Variants in ALK observed in about 807,000 individuals in gnomAD.
ALK encodes ALK receptor tyrosine kinase.
Under a neutral mutation model 163.1 loss-of-function variants are expected in ALK, and 74 were observed. That is an observed-to-expected ratio of 0.45 (90% confidence interval 0.38 to 0.55). The LOEUF (loss-of-function observed/expected upper bound fraction) is 0.55. Ranked by LOEUF, ALK falls within the 20% of genes least tolerant of loss-of-function variation. The probability of loss-of-function intolerance (pLI) is 0.00; values close to 1 mark genes in which losing one functional copy is unlikely to be tolerated. For missense variants in ALK, 2,063 were observed against 2,105.3 expected (o/e 0.98, Z 0.39); for synonymous variants, 960 against 843.2 (o/e 1.14, Z -2.40).
At chr2:29,823,388 T>A (rs1665103678) in intron 1 of ALK, among the ~76,000 whole-genome samples, 1 of 152,168 alleles carries the variant, frequency 6.6e-6, no homozygotes, top group African/African-American at 2.4e-5. Context: ...TGGAAGCGAC[T>A]TTGGAACTGG....
rs1470400940 is a variant in ALK, at chr2:29,698,035, C to CCT, written c.788-3023_788-3022dup. Among the ~76,000 whole-genome samples the CCT allele has an allele frequency of 3.9e-5, 6 of 152,312 alleles. No individual in the cohort carries two copies. In the South Asian group the frequency reaches 1.2e-3, roughly 32 times the overall value. On this transcript the variant is annotated intron_variant, in intron 2 of 28. Coordinates refer to ENST00000389048, the MANE Select transcript of ALK (RefSeq NM_004304.5). ...CACTTCTATTGAGTGTCTTTCTGCT[C>CCT]CTCAGCTGCTTTCCAGGAGCTGCCA...
At chr2:29,321,408 A>T (rs1473876013) in intron 6 of ALK, among the ~76,000 whole-genome samples, 5 of 152,170 alleles carry the variant, frequency 3.3e-5, no homozygotes, top group African/African-American at 7.2e-5. Context: ...CCATCAAATT[A>T]CCTGTCTGCA....
chr2:29,344,635 C>T (rs1369353704), intron 5 of ALK, among the ~76,000 whole-genome samples: 1 of 152,244 alleles, frequency 6.6e-6, no homozygotes, highest in African/African-American at 2.4e-5. Context: ...CTGTCAATGC[C>T]ATGTGGCATG....
chr2:29,907,399 A>C (rs1190923571), intron 1 of ALK, among the ~76,000 whole-genome samples: 1 of 152,156 alleles, frequency 6.6e-6, no homozygotes, highest in African/African-American at 2.4e-5. Flanking sequence ...ATGACTACTT[A>C]AACACGTTTT....
rs369593151 is a variant in ALK, at chr2:29,921,213, C to A, written c.-554G>T. ...GGGCGGGAACCGAGGGCGGAGGCTG[C>A]CGTCTTGCGCACCCTCAAGCTATCT... On this transcript the variant is annotated 5_prime_UTR_variant, in exon 1 of 29. Transcript: ENST00000389048. 11 of 234,324 alleles carry A rather than the reference C, an allele frequency of 4.7e-5. No homozygotes were observed. The highest frequency in any genetic ancestry group is 1.8e-4 in the South Asian group (1 of 5,546). The allele number at this position is 234,324 out of a possible 1,614,324, so 14.5% of individuals were successfully genotyped here.
At chr2:29,412,218 T>C (rs1669741891) in intron 4 of ALK, among the ~76,000 whole-genome samples, 1 of 152,202 alleles carries the variant, frequency 6.6e-6, no homozygotes, top group East Asian at 1.9e-4. Context: ...GCATTATCAA[T>C]AGTGAACAAA....
chr2:29,794,668 G>A (rs1664263503), intron 1 of ALK, among the ~76,000 whole-genome samples: 1 of 152,120 alleles, frequency 6.6e-6, no homozygotes, highest in Non-Finnish European at 1.5e-5. Flanking sequence ...GGAAGCCCAA[G>A]GAGATGGAGA....
chr2:29,482,454 G>A (rs1219231553), intron 4 of ALK, among the ~76,000 whole-genome samples: 1 of 152,136 alleles, frequency 6.6e-6, no homozygotes, highest in Non-Finnish European at 1.5e-5. Context: ...TGAGGGAGGA[G>A]GTATCAAATT....
At chr2:29,416,105 A>G (rs568881693) in intron 4 of ALK, among the ~76,000 whole-genome samples, 4 of 152,266 alleles carry the variant, frequency 2.6e-5, no homozygotes, top group Admixed American at 6.5e-5. Context: ...ACGTGAGCCA[A>G]TTTCCATAAT....
intron 5 of ALK, among the ~76,000 whole-genome samples, chr2:29,380,939 C>T (rs947455375): frequency 6.6e-6 from 1 of 152,154 alleles, no homozygotes; most frequent in Non-Finnish European, 1.5e-5. Context: ...AGATAGAATA[C>T]AGGCAAAAGC....
Position 29,228,945 on chromosome 2 carries a change from TC to T in ALK, c.2753del (p.Arg918LysfsTer21). 1 of 372,238 alleles carries T rather than the reference TC, an allele frequency of 2.7e-6. No homozygotes were observed. The highest frequency in any genetic ancestry group is 5.6e-5 in the Admixed American group (1 of 17,802). The allele number at this position is 372,238 out of a possible 1,614,324, so 23.1% of individuals were successfully genotyped here. A position where few individuals can be genotyped will look rare whatever the true frequency, so the allele number is the denominator to read the frequency against. ...QAMKKWGWET[R>X]GGFGGGGGGC... ...CCCCTCCACCCCCTCCGAAACCCCC[TC>T]TTGTCTCCCACCCCCACTTCTTCAT... On this transcript the variant is annotated frameshift_variant, in exon 16 of 29. Transcript: ENST00000389048. LOFTEE classifies it high-confidence loss of function.
chr2:29,419,883 G>A (rs1406566703), intron 4 of ALK, among the ~76,000 whole-genome samples: 1 of 151,438 alleles, frequency 6.6e-6, no homozygotes. Flanking sequence ...GACTGGCTGG[G>A]TGAGGTGGCC....
chr2:29,471,631 G>T (rs1671349114), intron 4 of ALK, among the ~76,000 whole-genome samples: 1 of 152,154 alleles, frequency 6.6e-6, no homozygotes, highest in African/African-American at 2.4e-5. Context: ...AGCAGTTGTG[G>T]CAGACTGCAT....
At chr2:29,815,327 CCTT>C (rs1664870456) in intron 1 of ALK, among the ~76,000 whole-genome samples, 1 of 151,966 alleles carries the variant, frequency 6.6e-6, no homozygotes, top group South Asian at 2.1e-4. Context: ...TCACTACTAA[CCTT>C]CTTAATTTAC....
intron 23 of ALK, among the ~76,000 whole-genome samples, chr2:29,217,151 GTGTA>G (rs1669658583): frequency 1.5e-5 from 2 of 137,090 alleles, no homozygotes; most frequent in African/African-American, 5.4e-5. Context: ...TGTGTGTGTA[GTGTA>G]TGTGTTGTGT....
intron 1 of ALK, among the ~76,000 whole-genome samples, chr2:29,866,917 A>C (rs1293007681): frequency 6.6e-6 from 1 of 152,226 alleles, no homozygotes; most frequent in African/African-American, 2.4e-5. Context: ...CACCAGAATC[A>C]GAACTGTGTG....
rs374395786 is a variant in ALK, at chr2:29,325,067, G to C, written c.1414+3283C>G. Among the ~76,000 whole-genome samples the C allele has an allele frequency of 2.6e-4, 40 of 152,288 alleles. 1 individual carries two copies. In the South Asian group the frequency reaches 3.3e-3, roughly 13 times the overall value. ...CGGAGGACTCCCTCTGGGAAGGTGTGGGGAGTTGAGGCTGGCTTTTGGTAG... is the reference window on the plus strand; with the variant it reads ...CGGAGGACTCCCTCTGGGAAGGTGTCGGGAGTTGAGGCTGGCTTTTGGTAG... On this transcript the variant is annotated intron_variant, in intron 6 of 28. Transcript: ENST00000389048.
chr2:29,469,431 G>A (rs1671294418), intron 4 of ALK, among the ~76,000 whole-genome samples: 1 of 152,164 alleles, frequency 6.6e-6, no homozygotes, highest in Non-Finnish European at 1.5e-5. Context: ...GGGCCCACTT[G>A]CATTTATTTT....
intron 3 of ALK, among the ~76,000 whole-genome samples, chr2:29,579,232 A>G (rs1164073358): frequency 6.6e-6 from 1 of 152,162 alleles, no homozygotes; most frequent in Admixed American, 6.5e-5. Context: ...TTTGTCTTTG[A>G]CTTGCCTCAC....
Sources: allele counts gnomAD v4.1 joint callset (sites outside exome capture counted in the v4.1 genomes callset), GRCh38; gene constraint gnomAD v4.1.1; transcripts MANE v1.5; gene names NCBI Gene and HGNC (gene_info 2026-07-23, HGNC 2026-07-21).